CBLIF: variants seen among roughly 807,000 people sequenced by gnomAD.
The protein encoded by CBLIF is gastric intrinsic factor (vitamin B synthesis).
In CBLIF, 24 loss-of-function variants were observed where a neutral mutation model predicts 44.9. The ratio of observed to expected loss-of-function variants is 0.53; its 90% CI spans 0.39 to 0.75. The LOEUF (loss-of-function observed/expected upper bound fraction) is 0.75. CBLIF is among the 30% of genes least tolerant of loss of function. The probability of loss-of-function intolerance (pLI) is 0.00; values close to 1 mark genes in which losing one functional copy is unlikely to be tolerated. For synonymous variants in CBLIF, 183 were observed against 190.9 expected (o/e 0.96, Z 0.34); for missense variants, 481 against 513.0 (o/e 0.94, Z 0.60).
chr11:59,829,358 C>T lies in CBLIF; in HGVS notation c.*126G>A. 7.1e-6 allele frequency: 5 copies of T among 706,922 alleles called. No homozygotes were observed. Among genetic ancestry groups the T allele is most frequent in the Non-Finnish European group, 1.1e-5 (4 of 379,984 alleles). 43.8% of individuals were successfully genotyped at this position (706,922 alleles called of 1,614,324 possible). A position where few individuals can be genotyped will look rare whatever the true frequency, so the allele number is the denominator to read the frequency against. ...CATTTTTATTCTACATAGTGGTTCT[C>T]CATGTTTTTACCAGGAATATGGTAG... On this transcript the variant is annotated 3_prime_UTR_variant, in exon 9 of 9. Transcript: ENST00000257248.
intron 4 of CBLIF, among the ~76,000 whole-genome samples, chr11:59,841,715 A>C (rs528021436): frequency 6.6e-6 from 1 of 152,292 alleles, no homozygotes; most frequent in Non-Finnish European, 1.5e-5. Context: ...TGTTTGTCTG[A>C]CAGAAACTGA....
rs1866335989 is a variant in CBLIF, at chr11:59,829,287, A to G, written c.*197T>C. ...CAGTCATTGTGTTGAGAAGATGAAA[A>G]TTTTATTTTCATGAGTCATAGATGT... On this transcript the variant is annotated 3_prime_UTR_variant, in exon 9 of 9. Coordinates refer to ENST00000257248, the MANE Select transcript of CBLIF (RefSeq NM_005142.3). 1 of 548,302 alleles carries G rather than the reference A, an allele frequency of 1.8e-6. No individual in the cohort carries two copies. Among genetic ancestry groups the G allele is most frequent in the Non-Finnish European group, 3.3e-6 (1 of 298,684 alleles). The allele number at this position is 548,302 out of a possible 1,614,324, so 34.0% of individuals were successfully genotyped here.
chr11:59,845,110 G>A (rs1206223847), intron 1 of CBLIF: 3 of 467,714 alleles, frequency 6.4e-6, no homozygotes, highest in Non-Finnish European at 1.3e-5. Flanking sequence ...CAATCCTCCT[G>A]CTTCAGTCTC....
At chr11:59,842,786 G>A in intron 3 of CBLIF, 6 of 648,192 alleles carry the variant, frequency 9.3e-6, no homozygotes, top group Non-Finnish European at 1.6e-5. Context: ...GGATGACTCT[G>A]TGTCTTTAGA....
Position 59,842,522 on chromosome 11 carries a change from C to A in CBLIF, c.432G>T (p.Gln144His). The change falls in exon 4 of 9, where the codon CAG becomes CAT. Residue 144 changes from glutamine to histidine, a missense_variant. By Grantham distance (24) the Gln-to-His change is conservative. Coordinates refer to ENST00000257248, the MANE Select transcript of CBLIF (RefSeq NM_005142.3). ...TCGGCAAGGTCGCCTCAGAGTTCTT[C>A]TGGCACAGTGCCAAGATCGCTAGAC... ...GPSLAILALC[Q>H]KNSEATLPIA... 6.2e-7 allele frequency: 1 copy of A among 1,612,878 alleles called. No homozygotes were observed. Among genetic ancestry groups the A allele is most frequent in the Middle Eastern group, 1.7e-4 (1 of 5,906 alleles).
rs1440087649 is a variant in CBLIF at position 59,831,610 on chromosome 11, GA to G, written c.1192+67del. 51 of 777,636 alleles carry G rather than the reference GA, an allele frequency of 6.6e-5. 1 individual carries two copies. The highest frequency in any genetic ancestry group is 4.7e-4 in the East Asian group (19 of 40,456). 48.2% of individuals were successfully genotyped at this position (777,636 alleles called of 1,614,324 possible). ...AAGTGAATGAATGAATAAATTAAAT[GA>G]AAAAATAATTAAAGAATGTAGCCTT... On this transcript the variant is annotated intron_variant, in intron 8 of 8. Transcript: ENST00000257248.
At chr11:59,840,013 AG>A (rs1027608713) in intron 5 of CBLIF, among the ~76,000 whole-genome samples, 25 of 152,178 alleles carry the variant, frequency 1.6e-4, no homozygotes, top group African/African-American at 5.8e-4. Flanking sequence ...TGGAAAAAAC[AG>A]GGTTTTGTTC....
chr11:59,835,293 G>A (rs183613571), intron 7 of CBLIF, among the ~76,000 whole-genome samples: 2 of 151,928 alleles, frequency 1.3e-5, no homozygotes. Context: ...TTACAGGCAC[G>A]TGCCACCACG....
chr11:59,830,481 T>C (rs1248567759), intron 8 of CBLIF, among the ~76,000 whole-genome samples: 3 of 151,936 alleles, frequency 2.0e-5, no homozygotes, highest in Non-Finnish European at 2.9e-5. Context: ...TCCTGATCCG[T>C]CCGCCTTGGC....
chr11:59,829,994 G>A (rs752188702), intron 8 of CBLIF, among the ~76,000 whole-genome samples: 3 of 152,128 alleles, frequency 2.0e-5, no homozygotes, highest in Admixed American at 6.6e-5. Flanking sequence ...GTTCATTTTT[G>A]AAGATTTTGT....
chr11:59,836,387 TA>T (rs909882714), intron 6 of CBLIF, among the ~76,000 whole-genome samples: 5 of 151,322 alleles, frequency 3.3e-5, no homozygotes, highest in Admixed American at 2.6e-4. Flanking sequence ...AGCATTTTAT[TA>T]AAAAAAAAGA....
Position 59,832,849 on chromosome 11 carries a change from G to C in CBLIF, c.1074-1053C>G, listed in dbSNP as rs147786449. Among the ~76,000 whole-genome samples the C allele has an allele frequency of 2.7e-3, 410 of 152,176 alleles. 2 individuals carry two copies. The highest frequency in any genetic ancestry group is 3.8e-3 in the Non-Finnish European group (257 of 68,010). On this transcript the variant is annotated intron_variant, in intron 7 of 8. Coordinates refer to ENST00000257248, the MANE Select transcript of CBLIF (RefSeq NM_005142.3). ...TAAATGATTATATGAGTGATGGAATGAATATCCAAGATTAAATATTTGGAA... is the reference window on the plus strand; with the variant it reads ...TAAATGATTATATGAGTGATGGAATCAATATCCAAGATTAAATATTTGGAA...
intron 2 of CBLIF, 104 bp from the exon 3 acceptor site, chr11:59,843,245 T>C (rs1866561298): frequency 1.4e-6 from 1 of 733,476 alleles, no homozygotes; most frequent in Admixed American, 2.0e-5. Context: ...CATTTTGACT[T>C]TTTAATAATA....
intron 4 of CBLIF, 90 bp downstream of exon 4, chr11:59,842,353 C>T (rs142379772): frequency 3.8e-5 from 53 of 1,390,334 alleles, no homozygotes; most frequent in African/African-American, 3.0e-4. Context: ...CTCCATGGGA[C>T]GCTCTCCTTT....
At chr11:59,841,955 G>A (rs947890624) in intron 4 of CBLIF, among the ~76,000 whole-genome samples, 3 of 152,148 alleles carry the variant, frequency 2.0e-5, no homozygotes, top group Non-Finnish European at 4.4e-5. Context: ...AAAGACGCAA[G>A]GTGGTCCCCG....
intron 7 of CBLIF, among the ~76,000 whole-genome samples, chr11:59,835,258 G>C (rs1488165721): frequency 2.6e-5 from 4 of 151,314 alleles, no homozygotes; most frequent in Non-Finnish European, 4.4e-5. Flanking sequence ...CGATTCTCCT[G>C]CCTCAGCCTC....
chr11:59,837,614 C>T (rs550462917), intron 5 of CBLIF, among the ~76,000 whole-genome samples: 8 of 152,330 alleles, frequency 5.3e-5, no homozygotes, highest in African/African-American at 7.2e-5. Flanking sequence ...GTCATATTTA[C>T]GAACGACTCT....
Position 59,841,296 on chromosome 11 carries a change from C to A in CBLIF, c.540G>T (p.Leu180=). Residue 180 remains leucine (L), a synonymous_variant, in exon 5 of 9, where the codon CTG becomes CTT. Coordinates refer to ENST00000257248, the MANE Select transcript of CBLIF (RefSeq NM_005142.3). ...CAGGGATCTTGTTGTACATACAGGTCAGAGCCAAGGTTGCCATTGCTCCTG... is the reference window on the plus strand; with the variant it reads ...CAGGGATCTTGTTGTACATACAGGTAAGAGCCAAGGTTGCCATTGCTCCTG... The part of the protein sequence containing the change: ...VDTGAMATLA[L]TCMYNKIPVG... The A allele has an allele frequency of 6.2e-7, 1 of 1,613,938 alleles. No homozygotes were observed. Among genetic ancestry groups the A allele is most frequent in the South Asian group, 1.1e-5 (1 of 91,068 alleles).
intron 6 of CBLIF, 131 bp downstream of exon 6, chr11:59,837,043 G>A: frequency 1.3e-6 from 1 of 758,614 alleles, no homozygotes; most frequent in Non-Finnish European, 2.4e-6. Flanking sequence ...CTTAAGGACT[G>A]GGAGTCAGAT....
Sources: gnomAD v4.1 joint callset for allele counts (sites outside exome capture counted in the v4.1 genomes callset) on GRCh38, gnomAD v4.1.1 for gene constraint, MANE v1.5 for transcripts, NCBI Gene and HGNC (gene_info 2026-07-23, HGNC 2026-07-21) for gene names.